Variants in FKBP9 observed in about 807,000 individuals in gnomAD.
The protein encoded by FKBP9 is FKBP prolyl isomerase 9, also known as peptidyl-prolyl cis-trans isomerase FKBP9.
FKBP9 carries 27 observed loss-of-function variants against 55.6 expected under a neutral mutation model. The observed-to-expected ratio is 0.49, with a 90% CI of 0.36 to 0.67. The LOEUF (loss-of-function observed/expected upper bound fraction) is 0.67. Ranked by LOEUF, FKBP9 falls within the 30% of genes least tolerant of loss-of-function variation. The pLI is 0.00. For missense variants in FKBP9, 539 were observed against 742.8 expected (o/e 0.73, Z 3.19); for synonymous variants, 267 against 296.5 (o/e 0.90, Z 1.02).
intron 5 of FKBP9, among the ~76,000 whole-genome samples, chr7:32,982,779 G>A (rs868631622): frequency 3.3e-5 from 5 of 152,272 alleles, no homozygotes; most frequent in African/African-American, 1.2e-4. Flanking sequence ...TAGTACAGTG[G>A]GATCTAGCCC....
intron 9 of FKBP9, chr7:33,003,050 T>A (rs1784962563): frequency 1.9e-6 from 1 of 540,248 alleles, no homozygotes; most frequent in Admixed American, 3.1e-5. Context: ...ACCGATTCCC[T>A]AAGAGGTGTA....
intron 9 of FKBP9, among the ~76,000 whole-genome samples, chr7:33,003,390 CT>C (rs1479291909): frequency 6.6e-6 from 1 of 152,244 alleles, no homozygotes; most frequent in Non-Finnish European, 1.5e-5. Flanking sequence ...ATCAGCCCTT[CT>C]GGATCTTTCT....
rs535369315 is a variant in FKBP9, at chr7:33,001,591, AATT to A, written c.1373-1082_1373-1080del. ...ACTTTTTCTGTGATATATTATTAAT[AATT>A]ATAATACATAGCATATTATATATAA... On this transcript the variant is annotated intron_variant, in intron 8 of 9. Transcript: ENST00000242209. Among the ~76,000 whole-genome samples the A allele has an allele frequency of 2.3e-3, 347 of 151,950 alleles. 1 individual carries two copies. Among genetic ancestry groups the A allele is most frequent in the African/African-American group, 7.8e-3 (323 of 41,488 alleles).
At position 32,965,797 on chromosome 7, in the gene FKBP9, C is replaced by CAAAAAA. The variant is rs760247071; in HGVS notation, c.221+8014_221+8019dup. 8.8e-4 allele frequency among the ~76,000 whole-genome samples: 34 copies of CAAAAAA among 38,544 alleles called. 1 individual carries two copies. Among genetic ancestry groups the CAAAAAA allele is most frequent in the African/African-American group, 2.8e-3 (20 of 7,218 alleles). The allele number at this position is 38,544 out of a possible 152,430, so 25.3% of individuals were successfully genotyped here. On this transcript the variant is annotated intron_variant, in intron 1 of 9. Coordinates refer to ENST00000242209, the MANE Select transcript of FKBP9 (RefSeq NM_007270.5). ...TGGGCAACAGAGCGAGACTCCATGT[C>CAAAAAA]AAAAAAAAAAAAAAAATATATATAT... is the stretch of plus-strand genomic sequence containing the variant.
At chr7:32,999,403 G>C (rs1019009339) in intron 7 of FKBP9, among the ~76,000 whole-genome samples, 4 of 151,764 alleles carry the variant, frequency 2.6e-5, no homozygotes, top group African/African-American at 9.7e-5. Context: ...TGACCGAAGT[G>C]ATAGAGCAAA....
At chr7:32,976,236 C>T in intron 3 of FKBP9, 118 bp from the exon 4 acceptor site, 1 of 1,141,042 alleles carries the variant, frequency 8.8e-7, no homozygotes, top group Non-Finnish European at 1.3e-6. Context: ...ATGTCTATCT[C>T]TAGGATGGGT....
intron 6 of FKBP9, chr7:32,993,080 G>A (rs2127987202): frequency 4.3e-6 from 1 of 232,570 alleles, no homozygotes; most frequent in Middle Eastern, 1.3e-3. Context: ...GATGTGGGTG[G>A]TTCCAGATGC....
At chr7:32,983,171 G>A (rs1408336474) in intron 5 of FKBP9, among the ~76,000 whole-genome samples, 1 of 151,868 alleles carries the variant, frequency 6.6e-6, no homozygotes, top group African/African-American at 2.4e-5. Flanking sequence ...TTACAGGCAT[G>A]AGCCACCACT....
At chr7:32,986,142 C>T (rs1014607784) in intron 5 of FKBP9, among the ~76,000 whole-genome samples, 5 of 152,228 alleles carry the variant, frequency 3.3e-5, no homozygotes, top group Non-Finnish European at 5.9e-5. Flanking sequence ...CCCGCCACTC[C>T]GTCTCTCCTT....
In FKBP9 at chr7:32,971,344, A is replaced by G. The variant is rs188907964; in HGVS notation, c.222-3273A>G. Among the ~76,000 whole-genome samples, 369 of 152,336 alleles carry G rather than the reference A, an allele frequency of 2.4e-3. 3 individuals carry two copies. Among genetic ancestry groups the G allele is most frequent in the African/African-American group, 8.7e-3 (361 of 41,572 alleles). On this transcript the variant is annotated intron_variant, in intron 1 of 9. Transcript: ENST00000242209. ...TATAAATGTATACATTTTCTTTCAG[A>G]AAGATTTTTTGGTTTTTAGCACTTT...
At chr7:33,001,086 C>G (rs2893453) in intron 8 of FKBP9, among the ~76,000 whole-genome samples, 4 of 152,106 alleles carry the variant, frequency 2.6e-5, no homozygotes, top group Non-Finnish European at 4.4e-5. Flanking sequence ...CCCAGGAACC[C>G]CTTCTTTTCA....
chr7:32,974,336 C>A (rs1438382457), intron 1 of FKBP9, among the ~76,000 whole-genome samples: 2 of 148,506 alleles, frequency 1.3e-5, no homozygotes, highest in Admixed American at 6.8e-5. Flanking sequence ...GAATAGGTAA[C>A]TATTTTGCAA....
chr7:32,972,021 A>G (rs1192104838), intron 1 of FKBP9, among the ~76,000 whole-genome samples: 2 of 152,200 alleles, frequency 1.3e-5, no homozygotes, highest in Non-Finnish European at 2.9e-5. Context: ...ATATTTTTAA[A>G]GTAGTTTCTT....
In FKBP9 at chr7:32,975,304, C is replaced by T; in HGVS notation, c.490C>T (p.Gln164Ter). The change falls in exon 3 of 10, where the codon CAG (glutamine) becomes TAG (stop). Residue 164 changes from glutamine (Q) to a stop codon, truncating the protein, a stop_gained. Transcript: ENST00000242209. LOFTEE classifies it high-confidence loss of function. ...GCCCCCGAGTTGCCCTCGGACCATC[C>T]AGGTGTCTGATTTTGTGAGGTACCA... ...FKPPSCPRTI[Q>*]VSDFVRYHYN... 6.2e-7 allele frequency: 1 copy of T among 1,613,968 alleles called. No homozygotes were observed. Among genetic ancestry groups the T allele is most frequent in the Non-Finnish European group, 8.5e-7 (1 of 1,179,832 alleles).
intron 1 of FKBP9, among the ~76,000 whole-genome samples, chr7:32,967,509 A>G (rs750493901): frequency 5.0e-4 from 76 of 152,240 alleles, no homozygotes; most frequent in Non-Finnish European, 8.8e-4. Context: ...GGCTTATTTC[A>G]TTTTACGTAA....
intron 5 of FKBP9, among the ~76,000 whole-genome samples, chr7:32,982,830 A>C (rs567341247): frequency 6.6e-6 from 1 of 152,382 alleles, no homozygotes; most frequent in East Asian, 1.9e-4. Context: ...AGATTTGCCT[A>C]TATTTAGGTA....
Position 32,976,382 on chromosome 7 carries a change from T to C in FKBP9, c.586T>C (p.Tyr196His). The change falls in exon 4 of 10, where the codon TAT becomes CAT. Residue 196 changes from tyrosine (Y) to histidine (H), a missense_variant. Around this residue, in one of 4 missense-constraint regions of FKBP9, gnomAD observed 236 missense variants for 271.5 expected, o/e 0.87. Coordinates refer to ENST00000242209, the MANE Select transcript of FKBP9 (RefSeq NM_007270.5). ...SHNRMKTYDTYVGIGWLIPGM... is the reference protein window; with the variant it reads ...SHNRMKTYDTHVGIGWLIPGM... The stretch of plus-strand genomic sequence containing the variant: ...CAATCGCATGAAAACATATGACACG[T>C]ATGTGGGAATTGGCTGGCTGATTCC... 1 of 1,613,864 alleles carries C rather than the reference T, an allele frequency of 6.2e-7. No individual in the cohort carries two copies. The highest frequency in any genetic ancestry group is 8.5e-7 in the Non-Finnish European group (1 of 1,179,840).
intron 1 of FKBP9, among the ~76,000 whole-genome samples, chr7:32,972,294 A>G (rs1233811049): frequency 6.6e-6 from 1 of 152,094 alleles, no homozygotes; most frequent in Non-Finnish European, 1.5e-5. Context: ...TGTACTTGAA[A>G]TCTTGCTTTC....
intron 1 of FKBP9, among the ~76,000 whole-genome samples, chr7:32,964,260 C>T (rs181644597): frequency 7.2e-5 from 11 of 152,276 alleles, no homozygotes; most frequent in Admixed American, 3.9e-4. Context: ...GACTTATTAG[C>T]GTGGCTTTGA....
Sources: allele counts gnomAD v4.1 joint callset (sites outside exome capture counted in the v4.1 genomes callset), GRCh38; gene constraint gnomAD v4.1.1; regional missense constraint gnomAD v4.1.1; transcripts MANE v1.5; gene names NCBI Gene and HGNC (gene_info 2026-07-23, HGNC 2026-07-21).